The following SEC16A variants were observed in gnomAD, a reference collection of about 807,000 sequenced individuals.
The protein encoded by SEC16A is protein transport protein Sec16A.
In SEC16A, 110 loss-of-function variants were observed where a neutral mutation model predicts 221.9. That is an observed-to-expected ratio of 0.50 (90% confidence interval 0.42 to 0.58). The LOEUF is 0.58. Among genes scored for constraint, SEC16A ranks in the 20% least tolerant of loss-of-function variants. The probability of loss-of-function intolerance (pLI) is 0.00; values close to 1 mark genes in which losing one functional copy is unlikely to be tolerated. For synonymous variants in SEC16A, 1,393 were observed against 1,257.7 expected (o/e 1.11, Z -2.28); for missense variants, 3,165 against 3,097.8 (o/e 1.02, Z -0.52).
intron 11 of SEC16A, 33 bp downstream of exon 11, chr9:136,463,430 G>A (rs984854229): frequency 1.0e-5 from 16 of 1,604,038 alleles, no homozygotes; most frequent in Admixed American, 1.7e-5. Flanking sequence ...AGACCAGCAA[G>A]AAGAAACACT....
chr9:136,468,276 C>T, intron 5 of SEC16A, 139 bp downstream of exon 5: 1 of 491,168 alleles, frequency 2.0e-6, no homozygotes, highest in Non-Finnish European at 3.6e-6. Context: ...GGCTTTTGGG[C>T]AAAAACATAA....
At chr9:136,443,997 A>G in intron 30 of SEC16A, 97 bp from the exon 31 acceptor site, 6 of 768,840 alleles carry the variant, frequency 7.8e-6, no homozygotes, top group Non-Finnish European at 1.2e-5. Context: ...TGGGATTTAC[A>G]GTACTTTTAC....
rs757568383 is a variant in SEC16A at position 136,444,879 on chromosome 9, CAAAA to C, written c.6927+169_6927+172del. ...GGGCAACAAGAGCGAAACTCCGTCT[CAAAA>C]AAAAAAAAAAAAAAAAAAGGAACCC... On this transcript the variant is annotated intron_variant, in intron 30 of 31. Coordinates refer to ENST00000684901, the MANE Select transcript of SEC16A (RefSeq NM_014866.2). 1.8e-3 allele frequency among the ~76,000 whole-genome samples: 118 copies of C among 65,626 alleles called. 7 individuals carry two copies. The South Asian group carries it at 0.061, about 34-fold the overall frequency. The allele number at this position is 65,626 out of a possible 152,430, so 43.1% of individuals were successfully genotyped here. A position where few individuals can be genotyped will look rare whatever the true frequency, so the allele number is the denominator to read the frequency against.
Position 136,441,091 on chromosome 9 carries a change from G to A in SEC16A, c.*664C>T, listed in dbSNP as rs1836138931. Reference sequence around the variant, plus strand: ...CATGGTCCTCATCAGGCCACAGAAAGTAAAGTGAGGCTGGAAGCGTCTTTG... The same window carrying A: ...CATGGTCCTCATCAGGCCACAGAAAATAAAGTGAGGCTGGAAGCGTCTTTG... On this transcript the variant is annotated 3_prime_UTR_variant, in exon 32 of 32. Coordinates refer to ENST00000684901, the MANE Select transcript of SEC16A (RefSeq NM_014866.2). The A allele has an allele frequency of 6.6e-6, 1 of 152,658 alleles. No individual in the cohort carries two copies. The highest frequency in any genetic ancestry group is 2.1e-4 in the South Asian group (1 of 4,844). The allele number at this position is 152,658 out of a possible 1,614,324, so 9.5% of individuals were successfully genotyped here. A position where few individuals can be genotyped will look rare whatever the true frequency, so the allele number is the denominator to read the frequency against.
chr9:136,446,103 G>GT lies in SEC16A; in HGVS notation c.6793-385_6793-384insA, dbSNP rs1836934919. Reference sequence around the variant, plus strand: ...CACCGTACAGAGTGCAGTCTGAGCTGGTTTTTTTTTTTTTTTTTTTGAGAT... The same window carrying GT: ...CACCGTACAGAGTGCAGTCTGAGCTGTGTTTTTTTTTTTTTTTTTTTGAGAT... On this transcript the variant is annotated intron_variant, in intron 28 of 31. Transcript: ENST00000684901. Among the ~76,000 whole-genome samples, 3 of 150,052 alleles carry GT rather than the reference G, an allele frequency of 2.0e-5. No individual in the cohort carries two copies. The Admixed American group carries it at 2.0e-4, about 10-fold the overall frequency.
At chr9:136,464,332 G>A (rs1438791711) in intron 9 of SEC16A, 88 bp downstream of exon 9, 2 of 1,272,398 alleles carry the variant, frequency 1.6e-6, no homozygotes, top group Non-Finnish European at 2.2e-6. Context: ...CAGAGACAAG[G>A]TCTGACAATT....
At chr9:136,464,197 C>T (rs1048200929) in intron 9 of SEC16A, among the ~76,000 whole-genome samples, 7 of 152,016 alleles carry the variant, frequency 4.6e-5, no homozygotes, top group African/African-American at 1.2e-4. Flanking sequence ...AATCAAACCA[C>T]GTTGAACACC....
rs566975914 is a variant in SEC16A, at chr9:136,446,209, G to A, written c.6793-490C>T. Reference sequence around the variant, plus strand: ...CAACCTCTGCCTCCTGGGTCCAAGCGATTCTTCTGCCTCAGCCTTCTGAGT... The same window carrying A: ...CAACCTCTGCCTCCTGGGTCCAAGCAATTCTTCTGCCTCAGCCTTCTGAGT... On this transcript the variant is annotated intron_variant, in intron 28 of 31. Transcript: ENST00000684901. 5.9e-5 allele frequency among the ~76,000 whole-genome samples: 9 copies of A among 151,278 alleles called. No homozygotes were observed. In the South Asian group the frequency reaches 1.9e-3, roughly 32 times the overall value.
chr9:136,459,040 C>G lies in SEC16A; in HGVS notation c.5409+94G>C. On this transcript the variant is annotated intron_variant, in intron 17 of 31. Transcript: ENST00000684901. This position sits in a 1 kb window ranked among gnomAD's most constrained non-coding sequence, Gnocchi z 6.1. ...CCCAAAAAACTCACATCATTTTTTT[C>G]GATACCAATTCAAACAATCTAAGTA... 3 of 789,544 alleles carry G rather than the reference C, an allele frequency of 3.8e-6. No individual in the cohort carries two copies. Among genetic ancestry groups the G allele is most frequent in the Non-Finnish European group, 5.9e-6 (3 of 512,102 alleles). 48.9% of individuals were successfully genotyped at this position (789,544 alleles called of 1,614,324 possible). A position where few individuals can be genotyped will look rare whatever the true frequency, so the allele number is the denominator to read the frequency against.
At chr9:136,454,796 C>A (rs1485436545) in intron 20 of SEC16A, among the ~76,000 whole-genome samples, 1 of 152,208 alleles carries the variant, frequency 6.6e-6, no homozygotes, top group East Asian at 1.9e-4. Context: ...TCATGGGGGT[C>A]GGGACAGATG....
rs1241280784 is a variant in SEC16A at position 136,459,690 on chromosome 9, C to T, written c.5191+67G>A. 7.0e-7 allele frequency: 1 copy of T among 1,431,760 alleles called. No homozygotes were observed. Among genetic ancestry groups the T allele is most frequent in the Non-Finnish European group, 9.6e-7 (1 of 1,040,842 alleles). 88.7% of individuals were successfully genotyped at this position (1,431,760 alleles called of 1,614,324 possible). The stretch of plus-strand genomic sequence containing the variant: ...CGGGTTCTGGTGATTTCTGCCAACG[C>T]CACAGACAACCGGGCCTTCGGCGCT... On this transcript the variant is annotated intron_variant, in intron 15 of 31. Transcript: ENST00000684901. The surrounding 1 kb of genome is among the most constrained non-coding windows in gnomAD (Gnocchi z 6.1).
intron 5 of SEC16A, among the ~76,000 whole-genome samples, chr9:136,467,364 C>T (rs1214862505): frequency 6.6e-6 from 1 of 152,096 alleles, no homozygotes; most frequent in Non-Finnish European, 1.5e-5. Flanking sequence ...TTATTAAGTC[C>T]TTTTTCTTCT....
chr9:136,480,458 C>G (rs1383851684), intron 1 of SEC16A, among the ~76,000 whole-genome samples: 1 of 152,206 alleles, frequency 6.6e-6, no homozygotes, highest in African/African-American at 2.4e-5. Flanking sequence ...TGGCTCGAGG[C>G]AGCCACTCCT....
chr9:136,480,466 C>G (rs1842179433), intron 1 of SEC16A, among the ~76,000 whole-genome samples: 1 of 152,174 alleles, frequency 6.6e-6, no homozygotes, highest in East Asian at 1.9e-4. Flanking sequence ...GGCAGCCACT[C>G]CTCTTTCTGC....
At chr9:136,473,028 G>A (rs1227159414) in intron 3 of SEC16A, among the ~76,000 whole-genome samples, 1 of 152,252 alleles carries the variant, frequency 6.6e-6, no homozygotes, top group East Asian at 1.9e-4. Flanking sequence ...AAAGTGCCTG[G>A]GCTCCTTCTG....
chr9:136,468,225 A>G (rs901366882), intron 5 of SEC16A, among the ~76,000 whole-genome samples, 190 bp downstream of exon 5: 3 of 152,256 alleles, frequency 2.0e-5, no homozygotes, highest in Non-Finnish European at 2.9e-5. Flanking sequence ...GAAAAATATC[A>G]ATATAATTAT....
intron 8 of SEC16A, 25 bp downstream of exon 8, chr9:136,465,937 T>G: frequency 6.3e-7 from 1 of 1,597,200 alleles, no homozygotes. Context: ...TTAGCCGGTA[T>G]CCCTCTGTCC....
chr9:136,475,641 G>A lies in SEC16A; in HGVS notation c.1975C>T (p.Leu659=), dbSNP rs747322749. ...TCCATGTTGTCTGGTGGCTGCTCCA[G>A]GTTGCCAGGGGAAGCATCGGGCAGG... ...AALPDASPGN[L]EQPPDNMETL... The change falls in exon 3 of 32, where the codon CTG becomes TTG. Residue 659 remains leucine, a synonymous_variant. Transcript: ENST00000684901. This position sits in a 1 kb window ranked among gnomAD's most constrained non-coding sequence, Gnocchi z 5.0. 6.2e-7 allele frequency: 1 copy of A among 1,613,756 alleles called. No individual in the cohort carries two copies. Among genetic ancestry groups the A allele is most frequent in the South Asian group, 1.1e-5 (1 of 91,048 alleles).
At chr9:136,456,875 A>G (rs1838749414) in intron 18 of SEC16A, among the ~76,000 whole-genome samples, 1 of 152,224 alleles carries the variant, frequency 6.6e-6, no homozygotes, top group Non-Finnish European at 1.5e-5. Flanking sequence ...GCCTCAAAAT[A>G]AGAATATCCT....
Sources: allele counts gnomAD v4.1 joint callset (sites outside exome capture counted in the v4.1 genomes callset), GRCh38; gene constraint gnomAD v4.1.1; non-coding constraint Gnocchi (gnomAD v3.1); transcripts MANE v1.5; gene names NCBI Gene and HGNC (gene_info 2026-07-23, HGNC 2026-07-21).